The following ADGRG6 variants were observed in gnomAD, a reference collection of about 807,000 sequenced individuals.
The protein encoded by ADGRG6 is adhesion G protein-coupled receptor G6, also known as G-protein coupled receptor 126.
In ADGRG6, 84 loss-of-function variants were observed where a neutral mutation model predicts 142.4. The observed-to-expected ratio is 0.59, with a 90% CI of 0.49 to 0.71. The LOEUF (loss-of-function observed/expected upper bound fraction) is 0.71, where lower values mean the gene tolerates loss of function less well. ADGRG6 is among the 30% of genes least tolerant of loss of function. The pLI, the probability that ADGRG6 is intolerant of heterozygous loss-of-function variation, is 0.00. For missense variants in ADGRG6, 1,367 were observed against 1,466.6 expected (o/e 0.93, Z 1.11); for synonymous variants, 521 against 520.5 (o/e 1.00, Z -0.01).
chr6:142,393,983 A>G, intron 9 of ADGRG6, 25 bp downstream of exon 9: 1 of 1,403,438 alleles, frequency 7.1e-7, no homozygotes, highest in Admixed American at 2.0e-5. Flanking sequence ...TATTGTAAAG[A>G]GTATAACATT....
intron 2 of ADGRG6, among the ~76,000 whole-genome samples, chr6:142,331,377 C>A (rs907419882): frequency 5.3e-5 from 8 of 152,030 alleles, no homozygotes; most frequent in Non-Finnish European, 1.0e-4. Context: ...TCCTGCAGCC[C>A]ATGGGCTTTG....
At chr6:142,339,258 G>T (rs1291884138) in intron 2 of ADGRG6, among the ~76,000 whole-genome samples, 1 of 152,204 alleles carries the variant, frequency 6.6e-6, no homozygotes, top group Non-Finnish European at 1.5e-5. Flanking sequence ...AACAAGCCAG[G>T]TGGAGAATCC....
intron 2 of ADGRG6, among the ~76,000 whole-genome samples, chr6:142,338,984 A>G (rs766567535): frequency 6.6e-6 from 1 of 152,200 alleles, no homozygotes; most frequent in African/African-American, 2.4e-5. Flanking sequence ...GGATGTGATT[A>G]TGCTGTATTA....
rs56962871 is a variant in ADGRG6, at chr6:142,339,542, C to T, written c.104-28027C>T. On this transcript the variant is annotated intron_variant, in intron 2 of 24. Coordinates refer to ENST00000367609, the MANE Select transcript of ADGRG6 (RefSeq NM_198569.3). The stretch of plus-strand genomic sequence containing the variant: ...CATTACTTCTGCTTTGCTTGAGTAT[C>T]TGGATTTGACATTGTATGTTGTTAC... Among the ~76,000 whole-genome samples the T allele has an allele frequency of 1.2e-3, 185 of 152,204 alleles. 6 individuals are homozygous for T. The East Asian group carries it at 0.035, about 29-fold the overall frequency.
Position 142,400,473 on chromosome 6 carries a change from A to G in ADGRG6, c.1568-12A>G. The G allele has an allele frequency of 1.6e-6, 2 of 1,260,252 alleles. No individual in the cohort carries two copies. The highest frequency in any genetic ancestry group is 2.3e-6 in the Non-Finnish European group (2 of 859,126). The allele number at this position is 1,260,252 out of a possible 1,614,324, so 78.1% of individuals were successfully genotyped here. ...GTGAATATTTCTCATGCTGGTTCTTATGTTCATATAGGTCATTGTCTTGCC... is the reference window on the plus strand; with the variant it reads ...GTGAATATTTCTCATGCTGGTTCTTGTGTTCATATAGGTCATTGTCTTGCC... On this transcript the variant is annotated splice_polypyrimidine_tract_variant and intron_variant, in intron 10 of 24. Coordinates refer to ENST00000367609, the MANE Select transcript of ADGRG6 (RefSeq NM_198569.3).
chr6:142,338,915 C>T (rs186612085), intron 2 of ADGRG6, among the ~76,000 whole-genome samples: 281 of 152,258 alleles, frequency 1.8e-3, no homozygotes, highest in African/African-American at 6.4e-3. Flanking sequence ...ATAGCTAACT[C>T]ATTATTCCAA....
intron 2 of ADGRG6, among the ~76,000 whole-genome samples, chr6:142,315,189 G>A (rs1457261619): frequency 6.6e-6 from 1 of 152,102 alleles, no homozygotes; most frequent in Non-Finnish European, 1.5e-5. Context: ...TACCAACTCT[G>A]AGACTTTCGC....
At chr6:142,338,372 T>A (rs931400477) in intron 2 of ADGRG6, among the ~76,000 whole-genome samples, 8 of 151,926 alleles carry the variant, frequency 5.3e-5, no homozygotes, top group African/African-American at 1.7e-4. Flanking sequence ...TTAATGATAT[T>A]ACAGTTGTTT....
intron 9 of ADGRG6, 112 bp from the exon 10 acceptor site, chr6:142,397,501 C>G: frequency 1.2e-6 from 1 of 859,192 alleles, no homozygotes; most frequent in Non-Finnish European, 1.8e-6. Flanking sequence ...CTAATCTCTT[C>G]AGTCTCAACA....
intron 2 of ADGRG6, among the ~76,000 whole-genome samples, chr6:142,353,848 A>G (rs543895021): frequency 2.0e-5 from 3 of 152,332 alleles, no homozygotes; most frequent in Admixed American, 6.5e-5. Flanking sequence ...TGGATAGGAT[A>G]TAGTGCTGTC....
In ADGRG6 at chr6:142,341,564, TATA is replaced by T. The variant is rs576581622; in HGVS notation, c.104-26001_104-25999del. ...TATATAATATATAGTATATATACTA[TATA>T]ATATTATGTAGTATATATAATATTA... On this transcript the variant is annotated intron_variant, in intron 2 of 24. Coordinates refer to ENST00000367609, the MANE Select transcript of ADGRG6 (RefSeq NM_198569.3). Among the ~76,000 whole-genome samples the T allele has an allele frequency of 7.2e-3, 891 of 122,972 alleles. 22 individuals are homozygous for T. The highest frequency in any genetic ancestry group is 0.026 in the African/African-American group (834 of 31,564). 80.7% of individuals were successfully genotyped at this position (122,972 alleles called of 152,430 possible). A position where few individuals can be genotyped will look rare whatever the true frequency, so the allele number is the denominator to read the frequency against.
chr6:142,371,904 T>C (rs1781278395), intron 4 of ADGRG6, among the ~76,000 whole-genome samples: 1 of 152,240 alleles, frequency 6.6e-6, no homozygotes, highest in Non-Finnish European at 1.5e-5. Flanking sequence ...TAGTATTTAC[T>C]CAGCCAGTTT....
At chr6:142,434,261 A>G (rs1311986431) in intron 22 of ADGRG6, among the ~76,000 whole-genome samples, 22 of 151,568 alleles carry the variant, frequency 1.5e-4, no homozygotes, top group Non-Finnish European at 3.2e-4. Flanking sequence ...ATAATGCACT[A>G]TTACTTAGGT....
intron 10 of ADGRG6, among the ~76,000 whole-genome samples, chr6:142,399,343 G>A (rs1445289633): frequency 6.6e-6 from 1 of 152,138 alleles, no homozygotes; most frequent in Non-Finnish European, 1.5e-5. Flanking sequence ...ATGGATGAAT[G>A]CAAATAATAA....
chr6:142,437,327 C>T lies in ADGRG6; in HGVS notation c.3320-107C>T, dbSNP rs867243888. 2.2e-5 allele frequency: 13 copies of T among 582,198 alleles called. No individual in the cohort carries two copies. The Middle Eastern group carries it at 1.5e-3, about 69-fold the overall frequency. The allele number at this position is 582,198 out of a possible 1,614,324, so 36.1% of individuals were successfully genotyped here. Reference sequence around the variant, plus strand: ...TCCTTAAGATCTTTGTTTCTTAGTGCCTTTGATGTAAAAAATTTAAAATTA... The same window carrying T: ...TCCTTAAGATCTTTGTTTCTTAGTGTCTTTGATGTAAAAAATTTAAAATTA... On this transcript the variant is annotated intron_variant, in intron 22 of 24. Transcript: ENST00000367609.
chr6:142,398,270 A>G (rs1331856470), intron 10 of ADGRG6, among the ~76,000 whole-genome samples: 4 of 152,186 alleles, frequency 2.6e-5, no homozygotes, highest in African/African-American at 9.7e-5. Flanking sequence ...CGAAAGATTA[A>G]GAAATTAGTT....
intron 9 of ADGRG6, among the ~76,000 whole-genome samples, chr6:142,394,660 C>A (rs1775078572): frequency 6.6e-6 from 1 of 150,576 alleles, no homozygotes; most frequent in Admixed American, 6.6e-5. Context: ...TCACTCACTG[C>A]AGCCTTGAAC....
intron 3 of ADGRG6, among the ~76,000 whole-genome samples, chr6:142,369,654 G>A (rs1310197948): frequency 6.6e-6 from 1 of 152,126 alleles, no homozygotes; most frequent in African/African-American, 2.4e-5. Flanking sequence ...CCTGATGATG[G>A]TGGAAAAAAT....
intron 2 of ADGRG6, among the ~76,000 whole-genome samples, chr6:142,326,621 T>C (rs1335365036): frequency 6.6e-6 from 1 of 152,046 alleles, no homozygotes; most frequent in East Asian, 1.9e-4. Flanking sequence ...ACCCCTTGAC[T>C]GTTCATTGTT....
Sources: gnomAD v4.1 joint callset for allele counts (sites outside exome capture counted in the v4.1 genomes callset) on GRCh38, gnomAD v4.1.1 for gene constraint, MANE v1.5 for transcripts, NCBI Gene and HGNC (gene_info 2026-07-23, HGNC 2026-07-21) for gene names.